Variants in TBC1D28 observed in about 807,000 individuals in gnomAD.
The protein encoded by TBC1D28 is TBC1 domain family, member 28.
Under a neutral mutation model 29.2 loss-of-function variants are expected in TBC1D28, and 20 were observed. The ratio of observed to expected loss-of-function variants is 0.68; its 90% CI spans 0.48 to 0.99. The LOEUF is 0.99. Ranked by LOEUF, TBC1D28 falls within the 50% of genes least tolerant of loss-of-function variation. The pLI is 0.00. For missense variants in TBC1D28, 205 were observed against 243.7 expected, an observed-to-expected ratio of 0.84 and a Z score of 1.06; for synonymous variants, 65 against 90.9, an observed-to-expected ratio of 0.71 and a Z score of 1.62.
exon 9 of TBC1D28, chr17:18,635,853 G>T: frequency 1.0e-6 from 1 of 992,944 alleles, no homozygotes; most frequent in Non-Finnish European, 1.2e-6. Context: ...TCGATAGTGG[G>T]TGAAGGCAAG....
Position 18,641,574 on chromosome 17 carries a change from C to T in TBC1D28, c.-2+58G>A, listed in dbSNP as rs1175628840. 10 of 605,464 alleles carry T rather than the reference C, an allele frequency of 1.7e-5. No homozygotes were observed. In the Admixed American group the frequency reaches 2.4e-4, roughly 14 times the overall value. 37.5% of individuals were successfully genotyped at this position (605,464 alleles called of 1,614,324 possible). A position where few individuals can be genotyped will look rare whatever the true frequency, so the allele number is the denominator to read the frequency against. ...GGGCTCCTTCTTGAGGATTTGAGCA[C>T]ACGGGGACCTGAACAGAGAGGCCTA... On this transcript the variant is annotated intron_variant, in intron 2 of 8. Coordinates refer to ENST00000345096, the Ensembl canonical transcript of TBC1D28.
exon 7 of TBC1D28, chr17:18,638,376 G>A (rs1567876500): frequency 1.2e-6 from 2 of 1,614,224 alleles, no homozygotes; most frequent in Middle Eastern, 1.6e-4. Context: ...ACAACGCCCG[G>A]CCCCGCACCG....
intron 3 of TBC1D28, 63 bp downstream of exon 4, chr17:18,641,215 T>C: frequency 6.7e-7 from 1 of 1,503,008 alleles, no homozygotes; most frequent in East Asian, 2.3e-5. Flanking sequence ...CAGGACCCTG[T>C]GACCAGGGCA....
downstream of TBC1D28, among the ~76,000 whole-genome samples, chr17:18,634,772 G>C (rs1250416710): frequency 1.3e-5 from 2 of 151,988 alleles, no homozygotes; most frequent in Non-Finnish European, 2.9e-5. Context: ...CTGCGGCAGG[G>C]ACCGGCCAGG....
chr17:18,636,466 G>A (rs1253838066), exon 9 of TBC1D28: 4 of 1,611,814 alleles, frequency 2.5e-6, no homozygotes, highest in East Asian at 2.2e-5. Flanking sequence ...GAATTTTCAA[G>A]AAGTTGCAAC....
intron 4 of TBC1D28, among the ~76,000 whole-genome samples, 186 bp from the exon 6 acceptor site, chr17:18,639,400 GTGA>G (rs898458409): frequency 6.8e-5 from 7 of 102,356 alleles, no homozygotes; most frequent in East Asian, 1.3e-3. Context: ...TGGGACCTTG[GTGA>G]AGAAGAAGCT....
intron 8 of TBC1D28, 58 bp downstream of exon 9, chr17:18,637,806 T>C: frequency 6.2e-7 from 1 of 1,612,472 alleles, no homozygotes; most frequent in Non-Finnish European, 8.5e-7. Flanking sequence ...GGGGACAACC[T>C]CATTCCTCTG....
rs987465578 is a variant in TBC1D28 at position 18,638,473 on chromosome 17, G to A, written c.280-53C>T. 8.1e-6 allele frequency: 13 copies of A among 1,606,532 alleles called. No individual in the cohort carries two copies. The African/African-American group carries it at 1.1e-4, about 13-fold the overall frequency. On this transcript the variant is annotated intron_variant, in intron 6 of 8. Transcript: ENST00000345096. ...AAAGGACATGGGGCAACCCCGCAGAGGAAAGCTGGCGAACAGGCCTGCAGT... is the reference window on the plus strand; with the variant it reads ...AAAGGACATGGGGCAACCCCGCAGAAGAAAGCTGGCGAACAGGCCTGCAGT...
chr17:18,637,891 A>G, exon 8 of TBC1D28: 1 of 1,613,658 alleles, frequency 6.2e-7, no homozygotes, highest in South Asian at 1.1e-5. Flanking sequence ...TATGAACATC[A>G]TGTGTTTCTG....
intron 4 of TBC1D28, 98 bp downstream of exon 5, chr17:18,640,924 C>T: frequency 2.5e-6 from 1 of 398,038 alleles, no homozygotes; most frequent in South Asian, 2.2e-5. Context: ...GTTGGCCCAG[C>T]CAGGGAGACA....
At chr17:18,638,597 G>A in intron 6 of TBC1D28, 24 bp downstream of exon 7, 1 of 1,613,802 alleles carries the variant, frequency 6.2e-7, no homozygotes, top group Non-Finnish European at 8.5e-7. Context: ...AGCAGTCACG[G>A]GGGCCGCTTC....
At chr17:18,641,326 G>T (rs1353504484) in exon 3 of TBC1D28, 2 of 1,613,892 alleles carry the variant, frequency 1.2e-6, no homozygotes, top group Admixed American at 3.3e-5. Flanking sequence ...GGGCAGGCAG[G>T]TTATCCGGGT....
At chr17:18,638,214 C>G in intron 7 of TBC1D28, 99 bp downstream of exon 8, 1 of 1,454,860 alleles carries the variant, frequency 6.9e-7, no homozygotes, top group Middle Eastern at 1.8e-4. Context: ...CAGCCCCCAC[C>G]CCCAACCCAG....
chr17:18,637,799 G>A, intron 8 of TBC1D28, 65 bp downstream of exon 9: 1 of 1,611,646 alleles, frequency 6.2e-7, no homozygotes, highest in South Asian at 1.1e-5. Flanking sequence ...CTGCCCTGGG[G>A]ACAACCTCAT....
chr17:18,634,775 C>G (rs1174410922), downstream of TBC1D28, among the ~76,000 whole-genome samples: 1 of 152,224 alleles, frequency 6.6e-6, no homozygotes. Context: ...CGGCAGGGAC[C>G]GGCCAGGCTG....
downstream of TBC1D28, among the ~76,000 whole-genome samples, chr17:18,634,787 C>T (rs1454775688): frequency 6.6e-6 from 1 of 152,140 alleles, no homozygotes; most frequent in Non-Finnish European, 1.5e-5. Context: ...GCCAGGCTGC[C>T]CGCCCCTCAG....
At chr17:18,639,414 C>G (rs1399510152) in intron 4 of TBC1D28, among the ~76,000 whole-genome samples, 200 bp from the exon 6 acceptor site, 1 of 117,582 alleles carries the variant, frequency 8.5e-6, no homozygotes, top group Non-Finnish European at 1.7e-5. Flanking sequence ...AGAAGAAGCT[C>G]AAAGCTGGCC....
Position 18,638,065 on chromosome 17 carries a change from G to C in TBC1D28, c.388-92C>G, listed in dbSNP as rs1037923841. The C allele has an allele frequency of 2.4e-5, 37 of 1,537,138 alleles. No homozygotes were observed. In the African/African-American group the frequency reaches 4.7e-4, roughly 19 times the overall value. ...CAGTCATCCCACAGTCAGCACTTCT[G>C]GAAGGAAGGAAGGAAGGAAGGTTTC... On this transcript the variant is annotated intron_variant, in intron 7 of 8. Coordinates refer to ENST00000345096, the Ensembl canonical transcript of TBC1D28.
upstream of TBC1D28, among the ~76,000 whole-genome samples, chr17:18,643,706 C>T (rs1045841016): frequency 1.3e-5 from 2 of 152,066 alleles, no homozygotes; most frequent in African/African-American, 2.4e-5. Context: ...CCTGCCCAGG[C>T]CCCAGAGCAG....
Sources: allele counts gnomAD v4.1 joint callset (sites outside exome capture counted in the v4.1 genomes callset), GRCh38; gene constraint gnomAD v4.1.1; transcripts MANE v1.5; gene names NCBI Gene and HGNC (gene_info 2026-07-23, HGNC 2026-07-21).